Variants in CNTNAP2 observed in about 807,000 individuals in gnomAD.
The protein encoded by CNTNAP2 is contactin associated protein 2.
CNTNAP2 carries 98 observed loss-of-function variants against 155.2 expected under a neutral mutation model. The ratio of observed to expected loss-of-function variants is 0.63; its 90% CI spans 0.54 to 0.75. CNTNAP2 has a LOEUF of 0.75. Among genes scored for constraint, CNTNAP2 ranks in the 30% least tolerant of loss-of-function variants. The pLI, the probability that CNTNAP2 is intolerant of heterozygous loss-of-function variation, is 0.00. For missense variants in CNTNAP2, 1,727 were observed against 1,688.1 expected (o/e 1.02, Z -0.40); for synonymous variants, 651 against 631.2 (o/e 1.03, Z -0.47).
At chr7:146,608,742 T>C (rs1263656055) in intron 1 of CNTNAP2, among the ~76,000 whole-genome samples, 2 of 152,194 alleles carry the variant, frequency 1.3e-5, no homozygotes, top group African/African-American at 2.4e-5. Context: ...GTATTCATTG[T>C]TGATATTCCA....
At chr7:147,431,615 T>G (rs1797467858) in intron 10 of CNTNAP2, among the ~76,000 whole-genome samples, 1 of 152,162 alleles carries the variant, frequency 6.6e-6, no homozygotes, top group Admixed American at 6.5e-5. Flanking sequence ...AAGACAGCCC[T>G]CCACAAAGGT....
chr7:146,273,322 C>G (rs1315128186), intron 1 of CNTNAP2, among the ~76,000 whole-genome samples: 1 of 151,646 alleles, frequency 6.6e-6, no homozygotes, highest in Non-Finnish European at 1.5e-5. Context: ...ACAACTATAA[C>G]TAGGCCAAGT....
chr7:147,379,394 C>T (rs1289014298), intron 9 of CNTNAP2, among the ~76,000 whole-genome samples: 1 of 151,936 alleles, frequency 6.6e-6, no homozygotes, highest in Non-Finnish European at 1.5e-5. Flanking sequence ...TACTTGTTTT[C>T]TTGAGTTTTA....
At chr7:147,258,895 C>G (rs1167981160) in intron 8 of CNTNAP2, among the ~76,000 whole-genome samples, 1 of 152,164 alleles carries the variant, frequency 6.6e-6, no homozygotes, top group Non-Finnish European at 1.5e-5. Flanking sequence ...TTTTCTCAAT[C>G]TGGATTGTTT....
chr7:146,774,542 T>C (rs889232099), intron 2 of CNTNAP2, among the ~76,000 whole-genome samples, 161 bp downstream of exon 2: 8 of 152,170 alleles, frequency 5.3e-5, no homozygotes, highest in African/African-American at 1.9e-4. Context: ...TAACCTCTCA[T>C]GTAATCTCCA....
intron 15 of CNTNAP2, among the ~76,000 whole-genome samples, chr7:147,999,958 A>C (rs536545453): frequency 8.5e-5 from 13 of 152,242 alleles, no homozygotes; most frequent in African/African-American, 3.1e-4. Flanking sequence ...TGGGAGAATA[A>C]ATTTCTGTTG....
At chr7:147,533,172 T>C (rs2116729462) in intron 11 of CNTNAP2, among the ~76,000 whole-genome samples, 1 of 152,310 alleles carries the variant, frequency 6.6e-6, no homozygotes, top group South Asian at 2.1e-4. Flanking sequence ...GGGGATGTTG[T>C]TTTGTTTTAT....
intron 9 of CNTNAP2, among the ~76,000 whole-genome samples, chr7:147,353,517 G>A (rs1034837646): frequency 2.6e-5 from 4 of 152,112 alleles, no homozygotes; most frequent in Non-Finnish European, 5.9e-5. Context: ...TGGTGTATAT[G>A]TGCCACATTT....
intron 9 of CNTNAP2, among the ~76,000 whole-genome samples, chr7:147,322,128 A>G (rs1795363133): frequency 6.6e-6 from 1 of 152,168 alleles, no homozygotes; most frequent in African/African-American, 2.4e-5. Flanking sequence ...AGGAGGAAAA[A>G]AGCATCAAAA....
At chr7:147,167,437 G>C in intron 8 of CNTNAP2, 1 of 1,347,034 alleles carries the variant, frequency 7.4e-7, no homozygotes, top group South Asian at 1.3e-5. Context: ...AAGCTCATTG[G>C]AGACCCTAAC....
chr7:148,026,833 T>A (rs1277368835), intron 15 of CNTNAP2, among the ~76,000 whole-genome samples: 3 of 152,268 alleles, frequency 2.0e-5, no homozygotes, highest in South Asian at 4.1e-4. Flanking sequence ...GTACCTGAGG[T>A]CTACCAAAAC....
Position 146,181,141 on chromosome 7 carries a change from C to T in CNTNAP2, c.97+64168C>T, listed in dbSNP as rs1007073862. ...TGCAAAATGTACCATCATCAAGTTA[C>T]TTTAAGCACTTTGGGGGAACAACAT... On this transcript the variant is annotated intron_variant, in intron 1 of 23. Coordinates refer to ENST00000361727, the MANE Select transcript of CNTNAP2 (RefSeq NM_014141.6). Among the ~76,000 whole-genome samples the T allele has an allele frequency of 2.0e-5, 3 of 152,170 alleles. No homozygotes were observed. In the East Asian group the frequency reaches 5.8e-4, roughly 29 times the overall value.
chr7:147,311,795 T>A (rs1317615905), intron 9 of CNTNAP2, among the ~76,000 whole-genome samples: 1 of 152,170 alleles, frequency 6.6e-6, no homozygotes, highest in Non-Finnish European at 1.5e-5. Flanking sequence ...GAATTTAGCA[T>A]ACTTACTTTT....
At chr7:147,966,149 G>A (rs1328866388) in intron 14 of CNTNAP2, among the ~76,000 whole-genome samples, 2 of 152,146 alleles carry the variant, frequency 1.3e-5, no homozygotes, top group Non-Finnish European at 2.9e-5. Context: ...ATATGGATCT[G>A]TGTTACTTGG....
Position 147,438,478 on chromosome 7 carries a change from T to A in CNTNAP2, c.1670+42698T>A, listed in dbSNP as rs1375648425. Among the ~76,000 whole-genome samples the A allele has an allele frequency of 2.8e-5, 4 of 143,240 alleles. No individual in the cohort carries two copies. The South Asian group carries it at 8.4e-4, about 30-fold the overall frequency. The allele number at this position is 143,240 out of a possible 152,430, so 94.0% of individuals were successfully genotyped here. On this transcript the variant is annotated intron_variant, in intron 10 of 23. Transcript: ENST00000361727. ...AATCCCCCTTAGTCATGGTGAATTA[T>A]TTTTTTTTTGGTTTGCTATTATTCA...
Position 148,008,613 on chromosome 7 carries a change from C to T in CNTNAP2, c.2383+30624C>T, listed in dbSNP as rs779762494. On this transcript the variant is annotated intron_variant, in intron 15 of 23. Coordinates refer to ENST00000361727, the MANE Select transcript of CNTNAP2 (RefSeq NM_014141.6). ...AAAATCATTGAGAGTTCCTTTAATGCGAAATGTTATGCCAGTGTCACTTCC... is the reference window on the plus strand; with the variant it reads ...AAAATCATTGAGAGTTCCTTTAATGTGAAATGTTATGCCAGTGTCACTTCC... 2.0e-5 allele frequency among the ~76,000 whole-genome samples: 3 copies of T among 152,220 alleles called. No individual in the cohort carries two copies. The East Asian group carries it at 5.8e-4, about 29-fold the overall frequency.
chr7:146,848,319 A>G (rs574844085), intron 3 of CNTNAP2, among the ~76,000 whole-genome samples: 3 of 152,336 alleles, frequency 2.0e-5, no homozygotes, highest in African/African-American at 7.2e-5. Context: ...TGGAATTTAC[A>G]GTGCAAATTG....
chr7:146,907,967 A>C (rs1456774091), intron 3 of CNTNAP2, among the ~76,000 whole-genome samples: 1 of 152,212 alleles, frequency 6.6e-6, no homozygotes, highest in Non-Finnish European at 1.5e-5. Flanking sequence ...TCTACCAAGC[A>C]AATAGAAAAC....
chr7:148,138,293 A>T (rs1315957424), intron 16 of CNTNAP2, among the ~76,000 whole-genome samples: 1 of 152,222 alleles, frequency 6.6e-6, no homozygotes, highest in African/African-American at 2.4e-5. Context: ...ATTGACTTGT[A>T]TGCTGTCTCC....
Sources: gnomAD v4.1 joint callset for allele counts (sites outside exome capture counted in the v4.1 genomes callset) on GRCh38, gnomAD v4.1.1 for gene constraint, MANE v1.5 for transcripts, NCBI Gene and HGNC (gene_info 2026-07-23, HGNC 2026-07-21) for gene names.